NRXN1: variants seen among roughly 807,000 people sequenced by gnomAD.
NRXN1 encodes neurexin 1.
Under a neutral mutation model 150.9 loss-of-function variants are expected in NRXN1, and 39 were observed. The ratio of observed to expected loss-of-function variants is 0.26; its 90% CI spans 0.20 to 0.34. The LOEUF (loss-of-function observed/expected upper bound fraction) is 0.34. Ranked by LOEUF, NRXN1 falls within the 10% of genes least tolerant of loss-of-function variation. The pLI is 1.00. For synonymous variants in NRXN1, 924 were observed against 757.0 expected (o/e 1.22, Z -3.62); for missense variants, 1,815 against 1,949.9 (o/e 0.93, Z 1.30).
chr2:50,305,922 T>A (rs191598012), intron 17 of NRXN1, among the ~76,000 whole-genome samples: 1 of 152,330 alleles, frequency 6.6e-6, no homozygotes. Flanking sequence ...CCTTCTTTCA[T>A]GATCAATTTA....
intron 7 of NRXN1, among the ~76,000 whole-genome samples, chr2:50,620,578 C>A (rs115817236): frequency 6.6e-6 from 1 of 152,184 alleles, no homozygotes; most frequent in African/African-American, 2.4e-5. Context: ...TAACTAATCA[C>A]AACGTGCACC....
At chr2:50,654,849 T>G (rs1025762640) in intron 5 of NRXN1, among the ~76,000 whole-genome samples, 1 of 152,092 alleles carries the variant, frequency 6.6e-6, no homozygotes, top group African/African-American at 2.4e-5. Flanking sequence ...TGTCTGTTCA[T>G]ATCCTTCAAT....
rs954391856 is a variant in NRXN1 at position 50,259,498 on chromosome 2, C to A, written c.3365-22528G>T. Reference sequence around the variant, plus strand: ...TTCCTACTTAGCATACTGAAGTGTACATGGAAGACTTTTTTTTAGTATCCT... The same window carrying A: ...TTCCTACTTAGCATACTGAAGTGTAAATGGAAGACTTTTTTTTAGTATCCT... On this transcript the variant is annotated intron_variant, in intron 17 of 22. Coordinates refer to ENST00000401669, the MANE Select transcript of NRXN1 (RefSeq NM_001330078.2). Among the ~76,000 whole-genome samples, 3 of 151,788 alleles carry A rather than the reference C, an allele frequency of 2.0e-5. No homozygotes were observed. In the South Asian group the frequency reaches 6.2e-4, roughly 31 times the overall value.
intron 2 of NRXN1, among the ~76,000 whole-genome samples, chr2:50,940,446 A>C (rs988012428): frequency 1.3e-5 from 2 of 150,394 alleles, no homozygotes; most frequent in African/African-American, 4.9e-5. Context: ...CTGTACTCCA[A>C]CCTGGTGACA....
At chr2:50,530,087 C>G (rs1027386480) in intron 11 of NRXN1, among the ~76,000 whole-genome samples, 3 of 152,090 alleles carry the variant, frequency 2.0e-5, no homozygotes, top group African/African-American at 7.2e-5. Context: ...TTTTCCCTCT[C>G]TGTTTATTCA....
At chr2:50,955,587 C>G (rs536671095) in intron 2 of NRXN1, among the ~76,000 whole-genome samples, 1 of 152,180 alleles carries the variant, frequency 6.6e-6, no homozygotes, top group African/African-American at 2.4e-5. Context: ...TAACTGTCAA[C>G]AGCAGAACAG....
intron 17 of NRXN1, among the ~76,000 whole-genome samples, chr2:50,335,598 T>C (rs1414570225): frequency 1.3e-5 from 2 of 151,928 alleles, no homozygotes; most frequent in Non-Finnish European, 2.9e-5. Context: ...AGGAAAAAAA[T>C]ATTCAACACT....
At chr2:50,723,773 T>C (rs187895315) in intron 5 of NRXN1, among the ~76,000 whole-genome samples, 10 of 152,270 alleles carry the variant, frequency 6.6e-5, no homozygotes, top group East Asian at 3.9e-4. Context: ...GGAGACTCAG[T>C]GAAAAAGGAG....
In NRXN1 at chr2:50,053,449, T is replaced by G; in HGVS notation, c.3950A>C (p.Asn1317Thr). 1 of 1,614,068 alleles carries G rather than the reference T, an allele frequency of 6.2e-7. No homozygotes were observed. Among genetic ancestry groups the G allele is most frequent in the South Asian group, 1.1e-5 (1 of 91,086 alleles). Residue 1317 changes from asparagine to threonine, a missense_variant, in exon 21 of 23, where the codon AAC (asparagine) becomes ACC (threonine). By Grantham distance (65) the Asn-to-Thr change is moderately conservative (BLOSUM62 0). Coordinates refer to ENST00000401669, the MANE Select transcript of NRXN1 (RefSeq NM_001330078.2). ...TCTCACATTTCCCACTATGGCGATG[T>G]TGGCATCGTTTTCGGCTGCCATATT... ...VLNMAAENDA[N>T]IAIVGNVRLV...
intron 5 of NRXN1, among the ~76,000 whole-genome samples, chr2:50,678,320 C>T (rs564186251): frequency 1.3e-5 from 2 of 152,270 alleles, no homozygotes; most frequent in East Asian, 1.9e-4. Flanking sequence ...ATGCAAAAAA[C>T]TTCCCCTTTA....
intron 5 of NRXN1, among the ~76,000 whole-genome samples, chr2:50,776,613 T>C (rs927293768): frequency 1.3e-5 from 2 of 148,908 alleles, no homozygotes; most frequent in Non-Finnish European, 3.0e-5. Context: ...AGTATGCATG[T>C]CATACCATAC....
chr2:50,243,155 T>A (rs1046180359), intron 17 of NRXN1, among the ~76,000 whole-genome samples: 7 of 151,642 alleles, frequency 4.6e-5, no homozygotes, highest in Non-Finnish European at 1.5e-5. Context: ...TCAAAATAGC[T>A]AGGAGAGAGG....
chr2:50,063,138 A>G (rs1694807501), intron 19 of NRXN1, among the ~76,000 whole-genome samples: 1 of 152,214 alleles, frequency 6.6e-6, no homozygotes, highest in Non-Finnish European at 1.5e-5. Flanking sequence ...TAAGTGCAGC[A>G]TAATCACATA....
chr2:50,777,410 T>C (rs1431974631), intron 5 of NRXN1, among the ~76,000 whole-genome samples: 1 of 152,170 alleles, frequency 6.6e-6, no homozygotes, highest in East Asian at 1.9e-4. Context: ...GGGAGTCTTT[T>C]GCAAGACAGT....
chr2:50,418,681 A>C (rs1216959983), intron 17 of NRXN1, among the ~76,000 whole-genome samples: 1 of 152,084 alleles, frequency 6.6e-6, no homozygotes, highest in Non-Finnish European at 1.5e-5. Context: ...GAGCAAATTC[A>C]TCCAGGGATC....
intron 21 of NRXN1, among the ~76,000 whole-genome samples, chr2:49,957,394 G>T (rs1675165122): frequency 6.6e-6 from 1 of 151,974 alleles, no homozygotes; most frequent in Non-Finnish European, 1.5e-5. Context: ...AAAATGAATG[G>T]CTCTTGTAGA....
At chr2:50,015,448 A>G (rs544013327) in intron 21 of NRXN1, among the ~76,000 whole-genome samples, 1 of 151,066 alleles carries the variant, frequency 6.6e-6, no homozygotes, top group South Asian at 2.1e-4. Flanking sequence ...AGAAATGAGA[A>G]TAACATAGAA....
intron 18 of NRXN1, among the ~76,000 whole-genome samples, chr2:50,094,094 G>A (rs1044696881): frequency 6.6e-6 from 1 of 152,128 alleles, no homozygotes; most frequent in Non-Finnish European, 1.5e-5. Context: ...AATAATTTTG[G>A]AATAAATTGT....
intron 5 of NRXN1, among the ~76,000 whole-genome samples, chr2:50,781,903 C>A (rs1704402897): frequency 6.6e-6 from 1 of 152,154 alleles, no homozygotes; most frequent in Non-Finnish European, 1.5e-5. Context: ...CTATTAACTC[C>A]ATCCTCACAG....
Sources: allele counts gnomAD v4.1 joint callset (sites outside exome capture counted in the v4.1 genomes callset), GRCh38; gene constraint gnomAD v4.1.1; transcripts MANE v1.5; gene names NCBI Gene and HGNC (gene_info 2026-07-23, HGNC 2026-07-21).